The following FRAS1 variants were observed in gnomAD, a reference collection of about 807,000 sequenced individuals.
The protein encoded by FRAS1 is Fraser extracellular matrix complex subunit 1.
A neutral mutation model predicts 435.2 loss-of-function variants in FRAS1; 290 were observed. The ratio of observed to expected loss-of-function variants is 0.67; its 90% CI spans 0.61 to 0.73. The LOEUF is 0.73. FRAS1 is among the 30% of genes least tolerant of loss of function. FRAS1 has a pLI of 0.00. For synonymous variants in FRAS1, 1,800 were observed against 1,851.0 expected, an observed-to-expected ratio of 0.97 and a Z score of 0.71; for missense variants, 4,860 against 5,001.5, an observed-to-expected ratio of 0.97 and a Z score of 0.85.
intron 30 of FRAS1, 88 bp from the exon 31 acceptor site, chr4:78,407,575 T>C (rs1560710083): frequency 2.1e-6 from 2 of 942,832 alleles, no homozygotes; most frequent in Admixed American, 2.8e-5. Flanking sequence ...TCTTTCTAGT[T>C]AAAAAAAAAA....
chr4:78,310,588 G>A (rs72866312), intron 15 of FRAS1, among the ~76,000 whole-genome samples: 5,562 of 152,296 alleles, frequency 0.037, 279 homozygotes, highest in African/African-American at 0.11. Context: ...TTAGCCTGAT[G>A]CAAGAGTTGG....
At chr4:78,175,709 T>C (rs1050866099) in intron 2 of FRAS1, among the ~76,000 whole-genome samples, 1 of 152,150 alleles carries the variant, frequency 6.6e-6, no homozygotes, top group African/African-American at 2.4e-5. Context: ...ACAGGAATTG[T>C]GGCTTCAGAT....
chr4:78,080,245 C>A (rs547222338), intron 2 of FRAS1, among the ~76,000 whole-genome samples: 6 of 152,224 alleles, frequency 3.9e-5, no homozygotes, highest in African/African-American at 1.4e-4. Flanking sequence ...TTGATTTATT[C>A]CCCTGGGGAA....
rs1390994485 is a variant in FRAS1, at chr4:78,448,256, G to A, written c.6214G>A (p.Glu2072Lys). 6 of 1,612,812 alleles carry A rather than the reference G, an allele frequency of 3.7e-6. No individual in the cohort carries two copies. In the South Asian group the frequency reaches 6.6e-5, roughly 18 times the overall value. The change falls in exon 44 of 74, where the codon GAA (glutamate) becomes AAA (lysine). Residue 2072 changes from glutamate (E) to lysine (K), a missense_variant. Glu to Lys is a moderately conservative substitution (Grantham distance 56). Coordinates refer to ENST00000512123, the MANE Select transcript of FRAS1 (RefSeq NM_025074.7). ...VDTGRMKIYTELPASDTPHLA... is the reference protein window; with the variant it reads ...VDTGRMKIYTKLPASDTPHLA... ...CACAGGGAGGATGAAGATCTACACA[G>A]AACTGCCTGCAAGTGACACACCTCA...
At chr4:78,201,810 C>T (rs1226023764) in intron 2 of FRAS1, among the ~76,000 whole-genome samples, 1 of 152,064 alleles carries the variant, frequency 6.6e-6, no homozygotes, top group Non-Finnish European at 1.5e-5. Flanking sequence ...ACTTCCAGGG[C>T]CTCTCTTCTG....
At chr4:78,214,689 AT>A (rs1358374384) in intron 2 of FRAS1, among the ~76,000 whole-genome samples, 1 of 152,220 alleles carries the variant, frequency 6.6e-6, no homozygotes, top group Non-Finnish European at 1.5e-5. Flanking sequence ...GCCAAAGCCA[AT>A]TAATTTACTC....
chr4:78,145,989 C>A (rs1278518858), intron 2 of FRAS1, among the ~76,000 whole-genome samples: 2 of 152,080 alleles, frequency 1.3e-5, no homozygotes, highest in Non-Finnish European at 2.9e-5. Context: ...TGAGGTCTCC[C>A]CAGCCATGCA....
chr4:78,423,257 C>G (rs1021161546), intron 34 of FRAS1, among the ~76,000 whole-genome samples: 2 of 152,020 alleles, frequency 1.3e-5, no homozygotes, highest in Non-Finnish European at 2.9e-5. Flanking sequence ...ACTTCCGCCT[C>G]CCAGATTCAA....
intron 19 of FRAS1, among the ~76,000 whole-genome samples, chr4:78,335,902 G>GTT (rs1379299485): frequency 8.9e-6 from 1 of 112,366 alleles, no homozygotes; most frequent in African/African-American, 3.3e-5. Flanking sequence ...CGTGTGTGGT[G>GTT]GTTTTTTTTT....
Position 78,322,472 on chromosome 4 carries a change from A to G in FRAS1, c.2137+3486A>G, listed in dbSNP as rs372826154. Among the ~76,000 whole-genome samples, 4 of 152,226 alleles carry G rather than the reference A, an allele frequency of 2.6e-5. No individual in the cohort carries two copies. In the East Asian group the frequency reaches 7.7e-4, roughly 29 times the overall value. ...CAAATGCTTTCTGTAAGGAAGAGAA[A>G]AACAACTGTTTTCTAGAACTCTCCT... is the stretch of plus-strand genomic sequence containing the variant. On this transcript the variant is annotated intron_variant, in intron 18 of 73. Coordinates refer to ENST00000512123, the MANE Select transcript of FRAS1 (RefSeq NM_025074.7).
At chr4:78,377,281 A>G (rs1295756389) in intron 26 of FRAS1, among the ~76,000 whole-genome samples, 1 of 152,092 alleles carries the variant, frequency 6.6e-6, no homozygotes, top group Non-Finnish European at 1.5e-5. Flanking sequence ...AGACTTCCCC[A>G]TGGGAAAAAA....
In FRAS1 at chr4:78,282,833, G is replaced by T; in HGVS notation, c.1121G>T (p.Trp374Leu). 1.2e-6 allele frequency: 2 copies of T among 1,613,380 alleles called. No homozygotes were observed. The highest frequency in any genetic ancestry group is 1.7e-6 in the Non-Finnish European group (2 of 1,179,738). ...TTTTTTGCGTAGGAGGGAGAGAAGT[G>T]GGAAGATGGCCCTTGCAAGGTGTGT... Reference protein sequence around the residue: ...EVKRIPEGEKWEDGPCKVCEC... With the variant: ...EVKRIPEGEKLEDGPCKVCEC... Residue 374 changes from tryptophan (W) to leucine (L), a missense_variant, in exon 12 of 74, where the codon TGG becomes TTG. Trp to Leu is a moderately conservative substitution (Grantham distance 61). Transcript: ENST00000512123.
At chr4:78,086,118 C>T (rs1279480877) in intron 2 of FRAS1, among the ~76,000 whole-genome samples, 2 of 145,120 alleles carry the variant, frequency 1.4e-5, no homozygotes, top group Non-Finnish European at 2.9e-5. Context: ...AGGATTAAGA[C>T]ACTCACTCAA....
chr4:78,301,749 C>G (rs1728408225), intron 14 of FRAS1, among the ~76,000 whole-genome samples: 1 of 151,648 alleles, frequency 6.6e-6, no homozygotes, highest in Non-Finnish European at 1.5e-5. Context: ...TTATGATTTC[C>G]TTCTCTGTAA....
intron 20 of FRAS1, among the ~76,000 whole-genome samples, chr4:78,346,078 A>C (rs1730595763): frequency 6.6e-6 from 1 of 152,206 alleles, no homozygotes; most frequent in South Asian, 2.1e-4. Context: ...GAAAGAACAC[A>C]GCTGAATTGA....
chr4:78,246,840 A>G (rs770186344), intron 4 of FRAS1, among the ~76,000 whole-genome samples: 1 of 152,126 alleles, frequency 6.6e-6, no homozygotes, highest in Non-Finnish European at 1.5e-5. Flanking sequence ...CACTAATGAC[A>G]TCATATGCTC....
intron 56 of FRAS1, 41 bp from the exon 57 acceptor site, chr4:78,481,763 C>CA: frequency 1.2e-6 from 2 of 1,609,436 alleles, no homozygotes; most frequent in African/African-American, 1.3e-5. Flanking sequence ...GATTTTCTGG[C>CA]TCAAAGTTGA....
At chr4:78,438,217 A>G (rs1734505051) in intron 38 of FRAS1, among the ~76,000 whole-genome samples, 1 of 152,200 alleles carries the variant, frequency 6.6e-6, no homozygotes, top group African/African-American at 2.4e-5. Context: ...GATGACTTAT[A>G]GATGATCAAG....
chr4:78,436,883 T>A (rs890081197), intron 38 of FRAS1, among the ~76,000 whole-genome samples: 29 of 152,300 alleles, frequency 1.9e-4, no homozygotes, highest in African/African-American at 6.3e-4. Flanking sequence ...TAAATGTTAG[T>A]TATTCTCAAA....
Sources: allele counts gnomAD v4.1 joint callset (sites outside exome capture counted in the v4.1 genomes callset), GRCh38; gene constraint gnomAD v4.1.1; transcripts MANE v1.5; gene names NCBI Gene and HGNC (gene_info 2026-07-23, HGNC 2026-07-21).